Variants in MACROD2 observed in about 807,000 individuals in gnomAD.
MACROD2 encodes the protein ADP-ribose glycohydrolase MACROD2.
MACROD2 carries 36 observed loss-of-function variants against 70.4 expected under a neutral mutation model. The ratio of observed to expected loss-of-function variants is 0.51; its 90% confidence interval spans 0.39 to 0.68. The LOEUF is 0.68. Among genes scored for constraint, MACROD2 ranks in the 30% least tolerant of loss-of-function variants. The pLI is 0.00. For missense variants in MACROD2, 496 were observed against 538.4 expected (o/e 0.92, Z 0.78); for synonymous variants, 172 against 178.8 (o/e 0.96, Z 0.30).
chr20:15,167,625 T>G (rs2076394490), intron 5 of MACROD2, among the ~76,000 whole-genome samples: 1 of 152,214 alleles, frequency 6.6e-6, no homozygotes, highest in Non-Finnish European at 1.5e-5. Context: ...TCTGAAATTC[T>G]ATATCAAAGG....
At chr20:15,038,158 C>A (rs2075328451) in intron 5 of MACROD2, among the ~76,000 whole-genome samples, 1 of 152,068 alleles carries the variant, frequency 6.6e-6, no homozygotes, top group Admixed American at 6.5e-5. Flanking sequence ...ACATTATTAG[C>A]ACATAAGAAA....
At chr20:16,045,188 A>G (rs2147620433) in intron 17 of MACROD2, among the ~76,000 whole-genome samples, 1 of 152,232 alleles carries the variant, frequency 6.6e-6, no homozygotes, top group South Asian at 2.1e-4. Flanking sequence ...GGGAACTCCC[A>G]GGAAAATAAA....
At chr20:14,312,026 C>G (rs1252204904) in intron 3 of MACROD2, among the ~76,000 whole-genome samples, 1 of 152,082 alleles carries the variant, frequency 6.6e-6, no homozygotes, top group Non-Finnish European at 1.5e-5. Context: ...AAGTCATTTT[C>G]AAAATTCTCA....
chr20:15,466,944 A>G (rs1040515541), intron 7 of MACROD2, among the ~76,000 whole-genome samples: 3 of 152,216 alleles, frequency 2.0e-5, no homozygotes, highest in Non-Finnish European at 4.4e-5. Flanking sequence ...TGCAATCATA[A>G]TTTGCAGCTA....
Position 14,673,635 on chromosome 20 carries a change from G to A in MACROD2, c.302-11208G>A, listed in dbSNP as rs535160246. ...TTTCTTCAACTATAAAATGGAAAAGGTGGCTGGGCACAGTGGCTCACACCT... is the reference window on the plus strand; with the variant it reads ...TTTCTTCAACTATAAAATGGAAAAGATGGCTGGGCACAGTGGCTCACACCT... On this transcript the variant is annotated intron_variant, in intron 4 of 17. Coordinates refer to ENST00000684519, the MANE Select transcript of MACROD2 (RefSeq NM_001351661.2). 3.9e-5 allele frequency among the ~76,000 whole-genome samples: 6 copies of A among 152,098 alleles called. No individual in the cohort carries two copies. In the South Asian group the frequency reaches 6.2e-4, roughly 16 times the overall value.
rs141206816 is a variant in MACROD2, at chr20:14,224,838, C to T, written c.271+139110C>T. On this transcript the variant is annotated intron_variant, in intron 3 of 17. Transcript: ENST00000684519. ...CATTATGACTTTTATTCTCAGAGGC[C>T]TATGGTTTTCAAATGCCACTGTTGT... Among the ~76,000 whole-genome samples the T allele has an allele frequency of 5.9e-5, 9 of 152,234 alleles. No individual in the cohort carries two copies. The East Asian group carries it at 1.2e-3, about 20-fold the overall frequency.
At chr20:14,795,547 G>A (rs1362519527) in intron 5 of MACROD2, among the ~76,000 whole-genome samples, 1 of 152,066 alleles carries the variant, frequency 6.6e-6, no homozygotes, top group African/African-American at 2.4e-5. Context: ...CTGAAAGAGT[G>A]GAAGAAAAGT....
chr20:14,351,185 T>C (rs1873341171), intron 3 of MACROD2, among the ~76,000 whole-genome samples: 1 of 152,164 alleles, frequency 6.6e-6, no homozygotes, highest in South Asian at 2.1e-4. Context: ...GGTAATGTGG[T>C]TCCTTCAACT....
intron 2 of MACROD2, among the ~76,000 whole-genome samples, chr20:14,080,442 CAAAAA>C (rs61598345): frequency 9.4e-5 from 6 of 64,058 alleles, no homozygotes; most frequent in Admixed American, 2.3e-4. Flanking sequence ...AACCCCGTCT[CAAAAA>C]AAAAAAAAAA....
intron 5 of MACROD2, among the ~76,000 whole-genome samples, chr20:14,973,014 A>G (rs1308939084): frequency 6.6e-6 from 1 of 152,166 alleles, no homozygotes; most frequent in Non-Finnish European, 1.5e-5. Context: ...AGTTTTATAT[A>G]CATTTCTTTA....
chr20:15,731,665 G>T lies in MACROD2; in HGVS notation c.646-131080G>T, dbSNP rs2050944711. Among the ~76,000 whole-genome samples the T allele has an allele frequency of 3.4e-5, 2 of 59,106 alleles. 1 individual carries two copies. Among genetic ancestry groups the T allele is most frequent in the Admixed American group, 3.3e-4 (2 of 6,046 alleles). 38.8% of individuals were successfully genotyped at this position (59,106 alleles called of 152,430 possible). On this transcript the variant is annotated intron_variant, in intron 8 of 17. Coordinates refer to ENST00000684519, the MANE Select transcript of MACROD2 (RefSeq NM_001351661.2). ...GTGGGATCCATGCTCACTTACACAT[G>T]CTAGGAGCCATGGCATTGCAGAGAG... is the stretch of plus-strand genomic sequence containing the variant.
chr20:14,570,955 T>C (rs1294263385), intron 4 of MACROD2, among the ~76,000 whole-genome samples: 2 of 152,074 alleles, frequency 1.3e-5, no homozygotes, highest in African/African-American at 4.8e-5. Context: ...TCCTCCCACG[T>C]ATCTCCAATT....
intron 5 of MACROD2, among the ~76,000 whole-genome samples, chr20:15,227,838 T>TG (rs1324394933): frequency 4.1e-5 from 6 of 145,496 alleles, no homozygotes; most frequent in Admixed American, 6.8e-5. Context: ...TTTTTTTTTT[T>TG]TTTTTTTTTT....
At chr20:15,533,945 G>C (rs2146552380) in intron 8 of MACROD2, among the ~76,000 whole-genome samples, 1 of 152,258 alleles carries the variant, frequency 6.6e-6, no homozygotes, top group East Asian at 1.9e-4. Context: ...AAATCACAGA[G>C]GGGCTAAATG....
At chr20:14,377,217 A>G (rs1359013038) in intron 3 of MACROD2, among the ~76,000 whole-genome samples, 1 of 152,204 alleles carries the variant, frequency 6.6e-6, no homozygotes, top group African/African-American at 2.4e-5. Flanking sequence ...GTAAAGCAAG[A>G]TGTAGCTTGT....
chr20:15,592,658 A>T (rs775224390), intron 8 of MACROD2, among the ~76,000 whole-genome samples: 14 of 152,224 alleles, frequency 9.2e-5, no homozygotes, highest in Admixed American at 2.6e-4. Context: ...TAAAAGCAAG[A>T]GAACAAAGTA....
At chr20:15,960,605 G>T (rs1294881223) in intron 12 of MACROD2, among the ~76,000 whole-genome samples, 1 of 152,124 alleles carries the variant, frequency 6.6e-6, no homozygotes, top group African/African-American at 2.4e-5. Flanking sequence ...GCCCCTAGGG[G>T]ATATTAATGA....
intron 3 of MACROD2, among the ~76,000 whole-genome samples, chr20:14,314,700 G>A (rs2082597872): frequency 1.3e-5 from 2 of 151,988 alleles, no homozygotes; most frequent in Admixed American, 1.3e-4. Context: ...GCGGAGGTTG[G>A]GGTGAGCTGA....
At chr20:15,443,305 CAGAGAA>C (rs917560155) in intron 7 of MACROD2, among the ~76,000 whole-genome samples, 18 of 137,594 alleles carry the variant, frequency 1.3e-4, no homozygotes, top group African/African-American at 5.5e-4. Context: ...GGAAATATTA[CAGAGAA>C]AGAGAGAGAA....
Sources: allele counts gnomAD v4.1 joint callset (sites outside exome capture counted in the v4.1 genomes callset), GRCh38; gene constraint gnomAD v4.1.1; transcripts MANE v1.5; gene names NCBI Gene and HGNC (gene_info 2026-07-23, HGNC 2026-07-21).